Variants in CLSTN1 observed in about 807,000 individuals in gnomAD.
CLSTN1 encodes calsyntenin-1.
In CLSTN1, 28 loss-of-function variants were observed where a neutral mutation model predicts 108.3. That is an observed-to-expected ratio of 0.26 (90% CI 0.19 to 0.35). The LOEUF is 0.35. Among genes scored for constraint, CLSTN1 ranks in the 10% least tolerant of loss-of-function variants. CLSTN1 has a pLI of 1.00. For synonymous variants in CLSTN1, 524 were observed against 534.9 expected (o/e 0.98, Z 0.28); for missense variants, 1,157 against 1,302.6 (o/e 0.89, Z 1.72).
At chr1:9,733,606 C>T in intron 15 of CLSTN1, 60 bp from the exon 16 acceptor site, 2 of 1,598,106 alleles carry the variant, frequency 1.3e-6, no homozygotes, top group Non-Finnish European at 1.7e-6. Context: ...ATGGGCAGGG[C>T]TGCAGCCGTC....
chr1:9,735,045 T>C lies in CLSTN1; in HGVS notation c.2013A>G (p.Glu671=), dbSNP rs765040927. The part of the protein sequence containing the change: ...HHFARAASEF[E]SSEGVFLFPE... ...GGAAAAGGAACACCCCTTCTGAGCT[T>C]TCAAATTCAGAAGCTGCTCGGGCAA... Residue 671 remains glutamate (E), a synonymous_variant, in exon 14 of 19, where the codon GAA becomes GAG. Coordinates refer to ENST00000377298, the MANE Select transcript of CLSTN1 (RefSeq NM_001009566.3). 4.3e-6 allele frequency: 7 copies of C among 1,614,194 alleles called. No homozygotes were observed. In the East Asian group the frequency reaches 1.6e-4, roughly 36 times the overall value.
intron 1 of CLSTN1, chr1:9,780,690 T>C (rs1003239162): frequency 6.6e-6 from 1 of 152,644 alleles, no homozygotes; most frequent in Admixed American, 6.5e-5. Context: ...GATGTTTCTG[T>C]CATCATCACA....
intron 1 of CLSTN1, among the ~76,000 whole-genome samples, 165 bp from the exon 2 acceptor site, chr1:9,773,559 G>A (rs1389620380): frequency 6.6e-6 from 1 of 152,078 alleles, no homozygotes; most frequent in African/African-American, 2.4e-5. Flanking sequence ...ACCCAAATGA[G>A]ATGAAATTCT....
rs1650259520 is a variant in CLSTN1, at chr1:9,729,997, GATTT to G, written c.*507_*510del. 6.2e-6 allele frequency: 1 copy of G among 161,946 alleles called. No individual in the cohort carries two copies. The highest frequency in any genetic ancestry group is 2.4e-5 in the African/African-American group (1 of 41,598). The allele number at this position is 161,946 out of a possible 1,614,324, so 10.0% of individuals were successfully genotyped here. The stretch of plus-strand genomic sequence containing the variant: ...CTAGCACAAAGGACACAAGGAATCC[GATTT>G]ATTTACAAAATATTAAAAAGTCAGT... On this transcript the variant is annotated 3_prime_UTR_variant, in exon 19 of 19. Coordinates refer to ENST00000377298, the MANE Select transcript of CLSTN1 (RefSeq NM_001009566.3).
At chr1:9,739,878 G>C (rs1475696871) in intron 10 of CLSTN1, among the ~76,000 whole-genome samples, 1 of 148,066 alleles carries the variant, frequency 6.8e-6, no homozygotes, top group African/African-American at 2.5e-5. Flanking sequence ...GTGCAGTGGT[G>C]CTATCTCGGC....
intron 1 of CLSTN1, among the ~76,000 whole-genome samples, chr1:9,814,878 C>G (rs1654909512): frequency 6.7e-6 from 1 of 148,574 alleles, no homozygotes; most frequent in Admixed American, 6.9e-5. Context: ...CCAGCCTGGG[C>G]AACAGAGCAA....
rs1333918434 is a variant in CLSTN1, at chr1:9,734,571, T to C, written c.2110+377A>G. The stretch of plus-strand genomic sequence containing the variant: ...GCCTGGGCGACAGAGTGAGACTCCA[T>C]CTCAAAAAAAAAAAAAAAGGGGGGG... On this transcript the variant is annotated intron_variant, in intron 14 of 18. Transcript: ENST00000377298. This position sits in a 1 kb window ranked among gnomAD's most constrained non-coding sequence, Gnocchi z 4.8. Among the ~76,000 whole-genome samples, 2 of 137,030 alleles carry C rather than the reference T, an allele frequency of 1.5e-5. No homozygotes were observed. The highest frequency in any genetic ancestry group is 2.8e-5 in the African/African-American group (1 of 36,362). 89.9% of individuals were successfully genotyped at this position (137,030 alleles called of 152,430 possible). A position where few individuals can be genotyped will look rare whatever the true frequency, so the allele number is the denominator to read the frequency against.
chr1:9,736,360 T>C (rs1438873823), intron 11 of CLSTN1, among the ~76,000 whole-genome samples: 1 of 152,106 alleles, frequency 6.6e-6, no homozygotes, highest in Non-Finnish European at 1.5e-5. Context: ...CCAGGGTGCA[T>C]GGTGACACTT....
At chr1:9,787,015 A>G (rs79829787) in intron 1 of CLSTN1, among the ~76,000 whole-genome samples, 1,522 of 151,494 alleles carry the variant, frequency 0.01, 19 homozygotes, top group Middle Eastern at 0.017. Flanking sequence ...GAGAGTCCCA[A>G]GAACGAAGTT....
chr1:9,758,593 C>T (rs113506806), intron 2 of CLSTN1, among the ~76,000 whole-genome samples: 3,319 of 152,252 alleles, frequency 0.022, 140 homozygotes, highest in African/African-American at 0.071. Flanking sequence ...GGATTACAGG[C>T]GTGAGTCACC....
chr1:9,764,399 G>A (rs1330502112), intron 2 of CLSTN1, among the ~76,000 whole-genome samples: 1 of 152,298 alleles, frequency 6.6e-6, no homozygotes, highest in East Asian at 1.9e-4. Flanking sequence ...CACTTTGGGA[G>A]GCCAAGGCAG....
At chr1:9,750,733 A>AAAAAAAAAG (rs1557697957) in intron 5 of CLSTN1, among the ~76,000 whole-genome samples, 3 of 150,590 alleles carry the variant, frequency 2.0e-5, no homozygotes, top group African/African-American at 7.3e-5. Context: ...AAAAAAAAAA[A>AAAAAAAAAG]GATGTCACAG....
At chr1:9,769,781 G>C (rs887743341) in intron 2 of CLSTN1, among the ~76,000 whole-genome samples, 1 of 151,684 alleles carries the variant, frequency 6.6e-6, no homozygotes, top group Non-Finnish European at 1.5e-5. Context: ...GGTGGCTCAC[G>C]CCTATAATCC....
At chr1:9,739,460 C>T (rs1650860628) in intron 10 of CLSTN1, among the ~76,000 whole-genome samples, 1 of 152,148 alleles carries the variant, frequency 6.6e-6, no homozygotes, top group Non-Finnish European at 1.5e-5. Context: ...ACCCTTGAAT[C>T]CTATGTATTT....
At chr1:9,762,048 C>T (rs1167904503) in intron 2 of CLSTN1, among the ~76,000 whole-genome samples, 1 of 152,192 alleles carries the variant, frequency 6.6e-6, no homozygotes, top group East Asian at 1.9e-4. Flanking sequence ...ATCGCTGTCG[C>T]TCCACTCACC....
chr1:9,792,646 T>C (rs544689602), intron 1 of CLSTN1, among the ~76,000 whole-genome samples: 19 of 151,552 alleles, frequency 1.3e-4, no homozygotes, highest in African/African-American at 4.3e-4. Flanking sequence ...ACGGTATCCC[T>C]GGAAACACAG....
intron 1 of CLSTN1, among the ~76,000 whole-genome samples, chr1:9,775,693 G>C (rs1043337179): frequency 6.6e-6 from 1 of 152,088 alleles, no homozygotes; most frequent in Admixed American, 6.6e-5. Flanking sequence ...GGGACTCCTC[G>C]ATTAAGCTGA....
intron 1 of CLSTN1, among the ~76,000 whole-genome samples, chr1:9,783,873 A>ATC (rs1257734096): frequency 6.6e-6 from 1 of 152,132 alleles, no homozygotes; most frequent in Non-Finnish European, 1.5e-5. Flanking sequence ...GGTGCCTGTA[A>ATC]TCCCAGCTAC....
intron 1 of CLSTN1, among the ~76,000 whole-genome samples, chr1:9,791,073 C>T (rs1241300386): frequency 7.1e-6 from 1 of 140,950 alleles, no homozygotes; most frequent in Non-Finnish European, 1.5e-5. Context: ...CGGGAGGAGG[C>T]AGAACTTGCA....
Sources: allele counts gnomAD v4.1 joint callset (sites outside exome capture counted in the v4.1 genomes callset), GRCh38; gene constraint gnomAD v4.1.1; non-coding constraint Gnocchi (gnomAD v3.1); transcripts MANE v1.5; gene names NCBI Gene and HGNC (gene_info 2026-07-23, HGNC 2026-07-21).